MACROD1: variants seen among roughly 807,000 people sequenced by gnomAD.
MACROD1 encodes mono-ADP ribosylhydrolase 1.
MACROD1 carries 31 observed loss-of-function variants against 41.4 expected under a neutral mutation model. The observed-to-expected ratio is 0.75, with a 90% CI of 0.56 to 1.01. The LOEUF is 1.01. Ranked by LOEUF, MACROD1 falls within the 50% of genes least tolerant of loss-of-function variation. The pLI, the probability that MACROD1 is intolerant of heterozygous loss-of-function variation, is 0.00. For missense variants in MACROD1, 473 were observed against 460.0 expected (o/e 1.03, Z -0.26); for synonymous variants, 252 against 203.4 (o/e 1.24, Z -2.03).
intron 3 of MACROD1, among the ~76,000 whole-genome samples, chr11:64,070,430 C>T (rs537405938): frequency 1.3e-5 from 2 of 152,236 alleles, no homozygotes; most frequent in Admixed American, 1.3e-4. Context: ...GAGAGGCCTC[C>T]GGGAGGGACT....
intron 3 of MACROD1, chr11:64,117,159 C>T (rs763041801): frequency 2.0e-5 from 33 of 1,613,746 alleles, no homozygotes; most frequent in South Asian, 1.5e-4. Flanking sequence ...TGAGCTGGAG[C>T]GGCTGGACCT....
intron 8 of MACROD1, 145 bp downstream of exon 8, chr11:63,999,186 C>A: frequency 3.0e-6 from 4 of 1,344,184 alleles, no homozygotes; most frequent in Non-Finnish European, 4.0e-6. Context: ...ATCTCGCCAC[C>A]GCCAGGCGCC....
At chr11:64,138,659 G>A (rs1021378769) in intron 3 of MACROD1, 14 of 561,432 alleles carry the variant, frequency 2.5e-5, no homozygotes, top group African/African-American at 1.4e-4. Flanking sequence ...GGTTTTTACC[G>A]CAATTACAAT....
In MACROD1 at chr11:64,029,690, C is replaced by G. The variant is rs373608222; in HGVS notation, c.518-14409G>C. ...CTCGGACCCATGCCCATGAGCTGCT[C>G]GTCACACAGCCCTCCCTACCCTGGC... On this transcript the variant is annotated intron_variant, in intron 3 of 10. Transcript: ENST00000255681. Among the ~76,000 whole-genome samples, 260 of 152,146 alleles carry G rather than the reference C, an allele frequency of 1.7e-3. 11 individuals are homozygous for G. In the South Asian group the frequency reaches 0.053, roughly 31 times the overall value.
At chr11:64,149,064 C>T in intron 3 of MACROD1, 2 of 981,936 alleles carry the variant, frequency 2.0e-6, no homozygotes, top group Non-Finnish European at 2.4e-6. Flanking sequence ...GGAGAACACA[C>T]CAAGAGGTGT....
chr11:64,040,707 G>C (rs1943468198), intron 3 of MACROD1, among the ~76,000 whole-genome samples: 1 of 152,210 alleles, frequency 6.6e-6, no homozygotes, highest in Admixed American at 6.5e-5. Context: ...AGAGCTATTA[G>C]TGATGAAGGA....
In MACROD1 at chr11:64,036,676, G is replaced by A. The variant is rs1943386766; in HGVS notation, c.518-21395C>T. Among the ~76,000 whole-genome samples, 1 of 152,142 alleles carries A rather than the reference G, an allele frequency of 6.6e-6. No individual in the cohort carries two copies. The highest frequency in any genetic ancestry group is 2.4e-5 in the African/African-American group (1 of 41,440). On this transcript the variant is annotated intron_variant, in intron 3 of 10. Transcript: ENST00000255681. This position sits in a 1 kb window ranked among gnomAD's most constrained non-coding sequence, Gnocchi z 5.6. ...GTTTTATTTTTAAAACGACTTCAAG[G>A]GGGGCATGAGCAGCCTCCAACTTCC... is the stretch of plus-strand genomic sequence containing the variant.
chr11:64,006,137 G>A (rs976511344), intron 4 of MACROD1, among the ~76,000 whole-genome samples: 5 of 152,240 alleles, frequency 3.3e-5, no homozygotes, highest in African/African-American at 1.2e-4. Context: ...TGCTGCCCCA[G>A]GCTTCTAACC....
chr11:64,035,532 C>T (rs1943356897), intron 3 of MACROD1, among the ~76,000 whole-genome samples: 1 of 151,692 alleles, frequency 6.6e-6, no homozygotes, highest in African/African-American at 2.4e-5. Flanking sequence ...CTTTGGGAGC[C>T]TCCCTCCCCC....
intron 3 of MACROD1, chr11:64,117,569 T>C (rs762784573): frequency 5.6e-6 from 9 of 1,607,838 alleles, no homozygotes; most frequent in Non-Finnish European, 7.7e-6. Context: ...CCACGGGTGA[T>C]GGCGCCAAGA....
chr11:64,006,946 C>T (rs1316696301), intron 4 of MACROD1, among the ~76,000 whole-genome samples: 94 of 152,146 alleles, frequency 6.2e-4, no homozygotes, highest in Admixed American at 6.2e-3. Flanking sequence ...CCGTTGGCAC[C>T]ATCATCAACT....
In MACROD1 at chr11:64,108,434, G is replaced by A. The variant is rs191850657; in HGVS notation, c.517+42805C>T. On this transcript the variant is annotated intron_variant, in intron 3 of 10. Coordinates refer to ENST00000255681, the MANE Select transcript of MACROD1 (RefSeq NM_014067.4). ...AGGAAAGGGGCTTCCTGGCGAGAAG[G>A]AGGGGAGCTCTCCCTGGGTCTCCCT... is the stretch of plus-strand genomic sequence containing the variant. 3.6e-3 allele frequency among the ~76,000 whole-genome samples: 552 copies of A among 152,322 alleles called. 15 individuals carry two copies. The highest frequency in any genetic ancestry group is 0.034 in the Admixed American group (526 of 15,302).
chr11:64,107,900 T>C (rs533227367), intron 3 of MACROD1, among the ~76,000 whole-genome samples: 135 of 152,326 alleles, frequency 8.9e-4, no homozygotes, highest in African/African-American at 3.1e-3. Context: ...CTGCAGTTCA[T>C]GTCTGGGGCT....
intron 3 of MACROD1, among the ~76,000 whole-genome samples, chr11:64,033,291 A>G (rs1384942410): frequency 6.6e-6 from 1 of 152,244 alleles, no homozygotes; most frequent in African/African-American, 2.4e-5. Flanking sequence ...GTGGACTCCC[A>G]GCCATATCCC....
intron 5 of MACROD1, 96 bp from the exon 6 acceptor site, chr11:63,999,859 A>G: frequency 1.5e-6 from 2 of 1,352,648 alleles, no homozygotes; most frequent in African/African-American, 1.4e-5. Context: ...GGCAGGAAAC[A>G]CCTTTCCCCC....
At chr11:64,037,564 T>C (rs1316962786) in intron 3 of MACROD1, among the ~76,000 whole-genome samples, 3 of 151,832 alleles carry the variant, frequency 2.0e-5, no homozygotes, top group Admixed American at 6.5e-5. Flanking sequence ...GGGCCAGCAG[T>C]GAGGGGGCCC....
chr11:64,020,150 A>G (rs565437047), intron 3 of MACROD1, among the ~76,000 whole-genome samples: 1 of 152,284 alleles, frequency 6.6e-6, no homozygotes, highest in Non-Finnish European at 1.5e-5. Flanking sequence ...GATGCTAACC[A>G]AGTCATAAAA....
At chr11:64,116,858 G>A (rs764170431) in intron 3 of MACROD1, 103 of 1,612,088 alleles carry the variant, frequency 6.4e-5, no homozygotes, top group Non-Finnish European at 8.1e-5. Flanking sequence ...CGGGGCTGCC[G>A]CACACGCTGG....
intron 3 of MACROD1, among the ~76,000 whole-genome samples, chr11:64,055,513 G>A (rs2134422701): frequency 6.6e-6 from 1 of 152,318 alleles, no homozygotes; most frequent in South Asian, 2.1e-4. Context: ...CCATTAGGGG[G>A]CTAAAGAGGA....
Sources: allele counts gnomAD v4.1 joint callset (sites outside exome capture counted in the v4.1 genomes callset), GRCh38; gene constraint gnomAD v4.1.1; non-coding constraint Gnocchi (gnomAD v3.1); transcripts MANE v1.5; gene names NCBI Gene and HGNC (gene_info 2026-07-23, HGNC 2026-07-21).